Variants in NEK3 observed in about 807,000 individuals in gnomAD.
The protein encoded by NEK3 is serine/threonine-protein kinase Nek3.
NEK3 carries 54 observed loss-of-function variants against 66.0 expected under a neutral mutation model. The observed-to-expected ratio is 0.82, with a 90% CI of 0.66 to 1.03. The LOEUF is 1.03. Ranked by LOEUF, NEK3 falls within the 50% of genes least tolerant of loss-of-function variation. NEK3 has a pLI of 0.00. For missense variants in NEK3, 593 were observed against 603.0 expected, an observed-to-expected ratio of 0.98 and a Z score of 0.17; for synonymous variants, 200 against 206.2, an observed-to-expected ratio of 0.97 and a Z score of 0.26.
At chr13:52,141,154 G>A in intron 10 of NEK3, 85 bp from the exon 11 acceptor site, 1 of 1,244,546 alleles carries the variant, frequency 8.0e-7, no homozygotes, top group Non-Finnish European at 1.1e-6. Flanking sequence ...TCATACAGCT[G>A]GAGAAGTGAG....
chr13:52,144,242 C>T (rs1462800081), intron 9 of NEK3, among the ~76,000 whole-genome samples: 1 of 152,064 alleles, frequency 6.6e-6, no homozygotes, highest in African/African-American at 2.4e-5. Context: ...GGTGAAACCC[C>T]GTCTCTACTA....
In NEK3 at chr13:52,135,744, T is replaced by C. The variant is rs1956198545; in HGVS notation, c.1294A>G (p.Thr432Ala). ...CATGAATTACCTGGTCTATATATTG[T>C]GTATGTTTGAAAAGCCAAGCTGAGA... ...ADLSLAFQTY[T>A]IYRPGSEGFL... Residue 432 changes from threonine to alanine, a missense_variant, in exon 14 of 16, where the codon ACA becomes GCA. By Grantham distance (58) the Thr-to-Ala change is moderately conservative. Transcript: ENST00000610828. 1.9e-6 allele frequency: 3 copies of C among 1,613,058 alleles called. No homozygotes were observed. Among genetic ancestry groups the C allele is most frequent in the Admixed American group, 1.7e-5 (1 of 59,882 alleles).
intron 5 of NEK3, among the ~76,000 whole-genome samples, chr13:52,152,146 T>G (rs1432173524): frequency 6.6e-6 from 1 of 152,196 alleles, no homozygotes; most frequent in Non-Finnish European, 1.5e-5. Context: ...TTACCTTATT[T>G]GGTTTGTATA....
intron 1 of NEK3, among the ~76,000 whole-genome samples, chr13:52,158,478 A>G (rs1156497169): frequency 6.6e-6 from 1 of 152,232 alleles, no homozygotes; most frequent in Non-Finnish European, 1.5e-5. Context: ...ACACGGTTTA[A>G]CATGGAAGCC....
chr13:52,156,165 C>G lies in NEK3; in HGVS notation c.27G>C (p.Met9Ile), dbSNP rs746903039. Residue 9 changes from methionine to isoleucine, a missense_variant, in exon 2 of 16, where the codon ATG (methionine) becomes ATC (isoleucine). Coordinates refer to ENST00000610828, the MANE Select transcript of NEK3 (RefSeq NM_002498.3). ...CTCTGCCGAAGGAGCCCTCCCCAAT[C>G]ATTCTCAGGACCATGTAGTCATCCA... Reference protein sequence around the residue: MDDYMVLRMIGEGSFGRAL... With the variant: MDDYMVLRIIGEGSFGRAL... The G allele has an allele frequency of 4.2e-5, 67 of 1,602,000 alleles. No homozygotes were observed. Among genetic ancestry groups the G allele is most frequent in the Non-Finnish European group, 5.4e-5 (63 of 1,173,966 alleles).
Position 52,151,307 on chromosome 13 carries a change from T to C in NEK3, c.461+18A>G, listed in dbSNP as rs764137285. ...GATGTTTTGATTACTGTCACTACCG[T>C]AGAACAGACATACATACTTGGAGAG... On this transcript the variant is annotated intron_variant, in intron 6 of 15. Transcript: ENST00000610828. The C allele has an allele frequency of 6.3e-7, 1 of 1,597,426 alleles. No individual in the cohort carries two copies. Among genetic ancestry groups the C allele is most frequent in the South Asian group, 1.1e-5 (1 of 88,032 alleles).
At chr13:52,133,893 G>A (rs771070163) in intron 14 of NEK3, 78 bp from the exon 15 acceptor site, 74 of 1,428,106 alleles carry the variant, frequency 5.2e-5, no homozygotes, top group East Asian at 7.5e-5. Context: ...AAAATCCTCC[G>A]TAAGCTTGCT....
intron 1 of NEK3, among the ~76,000 whole-genome samples, chr13:52,158,651 C>G (rs1376716048): frequency 6.6e-6 from 1 of 152,186 alleles, no homozygotes. Context: ...ATGATCATTA[C>G]AAGACCTGAA....
intron 11 of NEK3, among the ~76,000 whole-genome samples, chr13:52,138,018 G>A (rs755874383): frequency 3.9e-5 from 6 of 152,200 alleles, no homozygotes; most frequent in Non-Finnish European, 7.3e-5. Flanking sequence ...CATTTTAGGG[G>A]ATGGAAATTC....
intron 7 of NEK3, among the ~76,000 whole-genome samples, chr13:52,149,155 TC>T (rs936263612): frequency 2.5e-4 from 38 of 152,048 alleles, no homozygotes; most frequent in African/African-American, 8.9e-4. Context: ...CGCCTCAGCC[TC>T]CCAAAGTGCT....
At chr13:52,152,572 CTT>C (rs554933673) in intron 5 of NEK3, 35 bp downstream of exon 5, 173 of 1,083,114 alleles carry the variant, frequency 1.6e-4, no homozygotes, top group South Asian at 4.7e-4. Flanking sequence ...GAATTAAGGA[CTT>C]TTTTTTTTTA....
intron 11 of NEK3, among the ~76,000 whole-genome samples, chr13:52,137,697 G>A (rs1339304539): frequency 1.3e-5 from 2 of 152,176 alleles, no homozygotes; most frequent in African/African-American, 2.4e-5. Flanking sequence ...AGGGGCAGCT[G>A]TGAAAAGCCC....
chr13:52,133,151 G>C lies in NEK3; in HGVS notation c.1512C>G (p.Cys504Trp). ...AACATTTCCTCAGGCATTATCTGTC[G>C]CACAGGCCTTGCCATCCAGCTCGCT... ...LKKRAGWQGLCDR is the reference protein window; with the variant it reads ...LKKRAGWQGLWDR The change falls in exon 16 of 16, where the codon TGC (cysteine) becomes TGG (tryptophan). Residue 504 changes from cysteine to tryptophan, a missense_variant. Physicochemically the swap from Cys to Trp is radical, Grantham distance 215. Transcript: ENST00000610828. 2 of 1,608,862 alleles carry C rather than the reference G, an allele frequency of 1.2e-6. No individual in the cohort carries two copies. Among genetic ancestry groups the C allele is most frequent in the Non-Finnish European group, 8.5e-7 (1 of 1,177,694 alleles).
rs942899660 is a variant in NEK3 at position 52,136,268 on chromosome 13, A to C, written c.1031-9T>G. ...ATGGACTGACTTATTACCTGATTTT[A>C]AAGTGTGAAAAAGGAATGCCAAGCA... On this transcript the variant is annotated splice_polypyrimidine_tract_variant and intron_variant, in intron 12 of 15. Transcript: ENST00000610828. 1 of 1,613,186 alleles carries C rather than the reference A, an allele frequency of 6.2e-7. No homozygotes were observed. Among genetic ancestry groups the C allele is most frequent in the Non-Finnish European group, 8.5e-7 (1 of 1,179,486 alleles).
upstream of NEK3, chr13:52,159,676 A>T (rs1368034418): frequency 2.6e-5 from 4 of 152,178 alleles, no homozygotes; most frequent in Admixed American, 2.0e-4. Flanking sequence ...CTGTTCTTGG[A>T]GTAGCCGGGC....
intron 14 of NEK3, 134 bp downstream of exon 14, chr13:52,135,595 A>T (rs1454858085): frequency 1.5e-6 from 1 of 685,502 alleles, no homozygotes; most frequent in Non-Finnish European, 2.3e-6. Context: ...ATGGCTGTAC[A>T]ACAATGTGAC....
At chr13:52,133,893 G>T in intron 14 of NEK3, 78 bp from the exon 15 acceptor site, 1 of 1,428,222 alleles carries the variant, frequency 7.0e-7, no homozygotes, top group East Asian at 2.5e-5. Context: ...AAAATCCTCC[G>T]TAAGCTTGCT....
chr13:52,151,048 TG>T (rs1156824409), intron 7 of NEK3, 97 bp downstream of exon 7: 1 of 849,748 alleles, frequency 1.2e-6, no homozygotes, highest in Non-Finnish European at 1.9e-6. Flanking sequence ...ATATGATCCA[TG>T]CATCTGTTTT....
chr13:52,140,283 CCACA>C (rs1223656305), intron 11 of NEK3, among the ~76,000 whole-genome samples: 1 of 150,700 alleles, frequency 6.6e-6, no homozygotes, highest in Non-Finnish European at 1.5e-5. Context: ...CAAAATTCTT[CCACA>C]TCTGTATTGA....
Sources: allele counts gnomAD v4.1 joint callset (sites outside exome capture counted in the v4.1 genomes callset), GRCh38; gene constraint gnomAD v4.1.1; transcripts MANE v1.5; gene names NCBI Gene and HGNC (gene_info 2026-07-23, HGNC 2026-07-21).